NSMAF: variants seen among roughly 807,000 people sequenced by gnomAD.
NSMAF encodes the protein protein FAN.
A neutral mutation model predicts 134.9 loss-of-function variants in NSMAF; 90 were observed. The observed-to-expected ratio is 0.67, with a 90% CI of 0.56 to 0.79. The LOEUF (loss-of-function observed/expected upper bound fraction) is 0.79. Ranked by LOEUF, NSMAF falls within the 30% of genes least tolerant of loss-of-function variation. The probability of loss-of-function intolerance (pLI) is 0.00; values close to 1 mark genes in which losing one functional copy is unlikely to be tolerated. For missense variants in NSMAF, 1,010 were observed against 1,119.0 expected (o/e 0.90, Z 1.39); for synonymous variants, 358 against 389.6 (o/e 0.92, Z 0.96).
At chr8:58,642,701 A>C (rs570441115) in intron 2 of NSMAF, among the ~76,000 whole-genome samples, 3 of 152,320 alleles carry the variant, frequency 2.0e-5, no homozygotes, top group South Asian at 2.1e-4. Flanking sequence ...AAAAGGTTTC[A>C]AGTTACAATT....
In NSMAF at chr8:58,601,302, T is replaced by C. The variant is rs1351997428; in HGVS notation, c.1263A>G (p.Ala421=). 1 of 1,613,774 alleles carries C rather than the reference T, an allele frequency of 6.2e-7. No individual in the cohort carries two copies. The highest frequency in any genetic ancestry group is 8.5e-7 in the Non-Finnish European group (1 of 1,179,816). The change falls in exon 16 of 31, where the codon GCA becomes GCG. Residue 421 remains alanine (A), a synonymous_variant. Transcript: ENST00000038176. The part of the protein sequence containing the change: ...LCLQNGRFDN[A]DRMFNSIAET... ...TATCAAACCTGTTGAACATTCTATC[T>C]GCATTATCAAATCTTCCATTCTGCA...
chr8:58,650,594 G>C (rs1379026238), intron 1 of NSMAF, among the ~76,000 whole-genome samples: 1 of 152,086 alleles, frequency 6.6e-6, no homozygotes, highest in African/African-American at 2.4e-5. Context: ...AAACTGTCCA[G>C]TAACAGCACC....
intron 5 of NSMAF, among the ~76,000 whole-genome samples, chr8:58,632,552 T>A (rs1563539445): frequency 6.6e-6 from 1 of 152,092 alleles, no homozygotes; most frequent in Non-Finnish European, 1.5e-5. Flanking sequence ...CACTGGCTAC[T>A]CCTTCCGTCT....
chr8:58,595,740 T>G (rs1806124431), intron 21 of NSMAF, 81 bp from the exon 22 acceptor site: 1 of 845,980 alleles, frequency 1.2e-6, no homozygotes. Flanking sequence ...TATTTTCTAT[T>G]AAAATCAAAC....
At chr8:58,603,928 CAGG>C (rs1213185334) in intron 12 of NSMAF, among the ~76,000 whole-genome samples, 23 of 152,144 alleles carry the variant, frequency 1.5e-4, no homozygotes, top group Non-Finnish European at 2.9e-4. Context: ...AGGCGTTTGG[CAGG>C]AGGACCAATT....
intron 26 of NSMAF, among the ~76,000 whole-genome samples, chr8:58,589,160 T>C (rs903291948): frequency 1.4e-5 from 2 of 147,994 alleles, no homozygotes; most frequent in African/African-American, 2.5e-5. Context: ...ATATGTATTA[T>C]ATAAATAAAA....
At chr8:58,597,700 C>A in intron 20 of NSMAF, 150 bp from the exon 21 acceptor site, 1 of 944,246 alleles carries the variant, frequency 1.1e-6, no homozygotes, top group Non-Finnish European at 1.6e-6. Flanking sequence ...TCATTATAGA[C>A]CTTCAGAATA....
rs766776264 is a variant in NSMAF, at chr8:58,599,989, C to T, written c.1313G>A (p.Gly438Asp). 6.2e-6 allele frequency: 10 copies of T among 1,613,868 alleles called. No homozygotes were observed. The highest frequency in any genetic ancestry group is 7.6e-6 in the Non-Finnish European group (9 of 1,179,950). ...IAETWKNCLD[G>D]ATDFKELIPE... The stretch of plus-strand genomic sequence containing the variant: ...GCTTACCTCTTTAAAATCCGTTGCA[C>T]CATCCAGACAGTTTTTCCAAGTTTC... Residue 438 changes from glycine to aspartate, a missense_variant, in exon 17 of 31, where the codon GGT becomes GAT. By Grantham distance (94) the Gly-to-Asp change is moderately conservative (BLOSUM62 -1). Transcript: ENST00000038176.
At chr8:58,648,416 A>G (rs888776701) in intron 1 of NSMAF, among the ~76,000 whole-genome samples, 2 of 152,234 alleles carry the variant, frequency 1.3e-5, no homozygotes, top group Non-Finnish European at 2.9e-5. Context: ...CATTTTCAGG[A>G]GAGGAATTCA....
At chr8:58,630,065 G>C (rs1333673941) in intron 6 of NSMAF, among the ~76,000 whole-genome samples, 1 of 152,232 alleles carries the variant, frequency 6.6e-6, no homozygotes, top group Non-Finnish European at 1.5e-5. Flanking sequence ...AGAAGCTAGA[G>C]GCTGGGAAAT....
chr8:58,603,385 C>T lies in NSMAF; in HGVS notation c.870G>A (p.Glu290=). ...CAGCAGTGTGCTCCGCCACATGGTG[C>T]TCTGGGGGAAGAGGACCCACGAGGT... ...DLYFYIATYL[E]HHVAEHTAES... The change falls in exon 13 of 31, where the codon GAG becomes GAA. Residue 290 remains glutamate (E), a splice_region_variant and synonymous_variant. Coordinates refer to ENST00000038176, the MANE Select transcript of NSMAF (RefSeq NM_003580.4). 5 of 1,613,436 alleles carry T rather than the reference C, an allele frequency of 3.1e-6. No individual in the cohort carries two copies. The highest frequency in any genetic ancestry group is 4.2e-6 in the Non-Finnish European group (5 of 1,179,910).
chr8:58,586,432 T>C (rs770156707), intron 28 of NSMAF, 26 bp downstream of exon 28: 2 of 1,582,276 alleles, frequency 1.3e-6, no homozygotes, highest in Non-Finnish European at 1.7e-6. Flanking sequence ...CCTAGTATTA[T>C]CTGTTTTAAA....
chr8:58,597,720 G>T, intron 20 of NSMAF, 140 bp downstream of exon 20: 1 of 890,462 alleles, frequency 1.1e-6, no homozygotes, highest in Non-Finnish European at 1.8e-6. Flanking sequence ...ATTTTCTGAT[G>T]CTCAGTAACA....
intron 7 of NSMAF, 41 bp downstream of exon 7, chr8:58,623,668 G>T: frequency 6.6e-7 from 1 of 1,523,700 alleles, no homozygotes. Flanking sequence ...AACAGTTTTT[G>T]CCTCAGTTTG....
chr8:58,601,240 A>C (rs1352956199), intron 16 of NSMAF, 45 bp downstream of exon 16: 1 of 1,463,852 alleles, frequency 6.8e-7, no homozygotes, highest in African/African-American at 1.4e-5. Flanking sequence ...GTATATATAC[A>C]ATCAGAAAGT....
chr8:58,612,351 A>C (rs1317434432), intron 9 of NSMAF, among the ~76,000 whole-genome samples: 1 of 152,176 alleles, frequency 6.6e-6, no homozygotes, highest in African/African-American at 2.4e-5. Context: ...GAAGACATCT[A>C]TGTGCCAGGA....
intron 1 of NSMAF, among the ~76,000 whole-genome samples, chr8:58,654,652 A>G (rs1258310338): frequency 2.0e-5 from 3 of 152,218 alleles, no homozygotes; most frequent in Non-Finnish European, 4.4e-5. Flanking sequence ...TGCCTGTTAA[A>G]CTATTAATGT....
rs150104149 is a variant in NSMAF, at chr8:58,586,120, T to C, written c.2447-120A>G. 4.9e-4 allele frequency: 402 copies of C among 814,408 alleles called. 1 individual carries two copies. In the African/African-American group the frequency reaches 6.1e-3, roughly 12 times the overall value. The allele number at this position is 814,408 out of a possible 1,614,324, so 50.4% of individuals were successfully genotyped here. Reference sequence around the variant, plus strand: ...CCACATTCGTTTTCTTCAAAATCCTTGTACTTAAGCAATGACTATCCTCTC... The same window carrying C: ...CCACATTCGTTTTCTTCAAAATCCTCGTACTTAAGCAATGACTATCCTCTC... On this transcript the variant is annotated intron_variant, in intron 28 of 30. Coordinates refer to ENST00000038176, the MANE Select transcript of NSMAF (RefSeq NM_003580.4).
intron 1 of NSMAF, among the ~76,000 whole-genome samples, chr8:58,655,291 T>G (rs371137829): frequency 7.4e-4 from 112 of 152,242 alleles, no homozygotes; most frequent in African/African-American, 2.5e-3. Flanking sequence ...AACTTCTACA[T>G]TACCCAAGAA....
Sources: gnomAD v4.1 joint callset for allele counts (sites outside exome capture counted in the v4.1 genomes callset) on GRCh38, gnomAD v4.1.1 for gene constraint, MANE v1.5 for transcripts, NCBI Gene and HGNC (gene_info 2026-07-23, HGNC 2026-07-21) for gene names.